Variants in HS3ST4 observed in about 807,000 individuals in gnomAD.
The protein encoded by HS3ST4 is heparan sulfate glucosamine 3-O-sulfotransferase 4.
HS3ST4 carries 17 observed loss-of-function variants against 29.2 expected under a neutral mutation model. The observed-to-expected ratio is 0.58, with a 90% CI of 0.40 to 0.87. The LOEUF is 0.87. Among genes scored for constraint, HS3ST4 ranks in the 40% least tolerant of loss-of-function variants. The pLI is 0.00. For missense variants in HS3ST4, 627 were observed against 634.5 expected (o/e 0.99, Z 0.13); for synonymous variants, 314 against 285.7 (o/e 1.10, Z -1.00).
chr16:26,032,339 T>C (rs1969538672), intron 1 of HS3ST4, among the ~76,000 whole-genome samples: 2 of 151,684 alleles, frequency 1.3e-5, no homozygotes, highest in South Asian at 4.2e-4. Flanking sequence ...TCCACATCAA[T>C]CCAGCTTTGG....
At chr16:26,135,473 TAAG>T in intron 1 of HS3ST4, 136 bp from the exon 2 acceptor site, 6 of 812,958 alleles carry the variant, frequency 7.4e-6, no homozygotes, top group Non-Finnish European at 1.1e-5. Context: ...GAGATATAGG[TAAG>T]AAGAACTTGC....
At chr16:25,961,658 G>A (rs1567282096) in intron 1 of HS3ST4, among the ~76,000 whole-genome samples, 1 of 152,150 alleles carries the variant, frequency 6.6e-6, no homozygotes, top group Non-Finnish European at 1.5e-5. Context: ...ACTCATCCCA[G>A]TTCAAACATA....
At chr16:25,964,413 A>G (rs1968823623) in intron 1 of HS3ST4, among the ~76,000 whole-genome samples, 1 of 152,156 alleles carries the variant, frequency 6.6e-6, no homozygotes, top group South Asian at 2.1e-4. Flanking sequence ...TAATAAAAAT[A>G]TGTCCCAAAC....
At chr16:26,081,099 C>T (rs1013193253) in intron 1 of HS3ST4, among the ~76,000 whole-genome samples, 1 of 152,044 alleles carries the variant, frequency 6.6e-6, no homozygotes, top group Admixed American at 6.6e-5. Flanking sequence ...CCAGCCTGGA[C>T]AACATGGTGA....
intron 1 of HS3ST4, among the ~76,000 whole-genome samples, chr16:26,042,359 T>C (rs1274924942): frequency 6.9e-6 from 1 of 145,146 alleles, no homozygotes; most frequent in East Asian, 1.9e-4. Context: ...TATCTCTGTG[T>C]GTGTGTGTGT....
intron 1 of HS3ST4, among the ~76,000 whole-genome samples, chr16:25,952,708 G>A (rs1968693461): frequency 6.6e-6 from 1 of 152,150 alleles, no homozygotes; most frequent in African/African-American, 2.4e-5. Context: ...GTGTGAGCAA[G>A]GGTGAGTTAT....
intron 1 of HS3ST4, among the ~76,000 whole-genome samples, chr16:25,762,093 G>A (rs759455635): frequency 6.6e-6 from 1 of 152,188 alleles, no homozygotes; most frequent in Non-Finnish European, 1.5e-5. Context: ...GTCCCTCTGA[G>A]AAGAGGAGGA....
At chr16:26,073,561 C>T (rs1233349922) in intron 1 of HS3ST4, among the ~76,000 whole-genome samples, 4 of 152,080 alleles carry the variant, frequency 2.6e-5, no homozygotes, top group African/African-American at 9.7e-5. Context: ...TTTGTAGAGA[C>T]AGGGTCTCAC....
At chr16:25,706,049 A>G (rs976167821) in intron 1 of HS3ST4, among the ~76,000 whole-genome samples, 2 of 152,220 alleles carry the variant, frequency 1.3e-5, no homozygotes, top group African/African-American at 2.4e-5. Context: ...TACAGAAACT[A>G]TTTTATAGCA....
chr16:25,837,640 C>A (rs9923588), intron 1 of HS3ST4, among the ~76,000 whole-genome samples: 39,463 of 151,854 alleles, frequency 0.26, 5,414 homozygotes, highest in Admixed American at 0.33. Flanking sequence ...TGTTAGGGTA[C>A]AGGTCCTATA....
chr16:25,927,069 A>T (rs1349747971), intron 1 of HS3ST4, among the ~76,000 whole-genome samples: 1 of 152,096 alleles, frequency 6.6e-6, no homozygotes, highest in South Asian at 2.1e-4. Context: ...TCTAAAAGAA[A>T]AAAAAAAGAA....
intron 1 of HS3ST4, among the ~76,000 whole-genome samples, chr16:26,000,665 G>A (rs563910134): frequency 6.6e-5 from 10 of 152,256 alleles, no homozygotes; most frequent in African/African-American, 2.4e-4. Flanking sequence ...CTTTTACAGA[G>A]GCTGGTCCCT....
intron 1 of HS3ST4, among the ~76,000 whole-genome samples, chr16:25,812,304 C>T (rs184844214): frequency 1.0e-3 from 152 of 152,234 alleles, no homozygotes; most frequent in Non-Finnish European, 1.7e-3. Context: ...TCTTCCATTA[C>T]GTCCCAGCTC....
intron 1 of HS3ST4, among the ~76,000 whole-genome samples, chr16:25,955,863 G>C (rs553844062): frequency 6.7e-6 from 1 of 149,606 alleles, no homozygotes; most frequent in Non-Finnish European, 1.5e-5. Context: ...CTCCCAGGTT[G>C]GAGTGCAGTG....
intron 1 of HS3ST4, among the ~76,000 whole-genome samples, chr16:25,764,362 A>T (rs933453009): frequency 2.6e-5 from 4 of 152,178 alleles, no homozygotes; most frequent in African/African-American, 9.6e-5. Context: ...ACAGTACAAT[A>T]CCATTTTACA....
intron 1 of HS3ST4, among the ~76,000 whole-genome samples, chr16:26,014,327 CTTTA>C (rs1969342585): frequency 6.6e-6 from 1 of 152,088 alleles, no homozygotes; most frequent in Non-Finnish European, 1.5e-5. Context: ...CACCATTTTA[CTTTA>C]TTTATTTTTA....
chr16:25,896,349 A>T (rs1968064708), intron 1 of HS3ST4, among the ~76,000 whole-genome samples: 1 of 152,202 alleles, frequency 6.6e-6, no homozygotes, highest in Non-Finnish European at 1.5e-5. Context: ...GACTGAACAG[A>T]CACTTCTCAA....
At chr16:25,820,349 G>A (rs1287911679) in intron 1 of HS3ST4, among the ~76,000 whole-genome samples, 1 of 152,138 alleles carries the variant, frequency 6.6e-6, no homozygotes, top group Non-Finnish European at 1.5e-5. Flanking sequence ...AGTTAGGACA[G>A]CTCTTTGACC....
At chr16:25,939,730 G>A (rs570876411) in intron 1 of HS3ST4, among the ~76,000 whole-genome samples, 2 of 152,110 alleles carry the variant, frequency 1.3e-5, no homozygotes, top group East Asian at 1.9e-4. Flanking sequence ...CTCAGGCTGC[G>A]CTGGGAGGGG....
Sources: gnomAD v4.1 joint callset for allele counts (sites outside exome capture counted in the v4.1 genomes callset) on GRCh38, gnomAD v4.1.1 for gene constraint, MANE v1.5 for transcripts, NCBI Gene and HGNC (gene_info 2026-07-23, HGNC 2026-07-21) for gene names.